Variants in CDH12 observed in about 807,000 individuals in gnomAD.
The protein encoded by CDH12 is cadherin 12.
A neutral mutation model predicts 74.1 loss-of-function variants in CDH12; 41 were observed. The ratio of observed to expected loss-of-function variants is 0.55; its 90% confidence interval spans 0.43 to 0.72. The LOEUF (loss-of-function observed/expected upper bound fraction) is 0.72. Among genes scored for constraint, CDH12 ranks in the 30% least tolerant of loss-of-function variants. The pLI, the probability that CDH12 is intolerant of heterozygous loss-of-function variation, is 0.00. For synonymous variants in CDH12, 399 were observed against 355.0 expected (o/e 1.12, Z -1.39); for missense variants, 945 against 977.2 (o/e 0.97, Z 0.44).
At chr5:22,353,555 TTTA>T (rs1017990570) in intron 3 of CDH12, among the ~76,000 whole-genome samples, 1 of 152,132 alleles carries the variant, frequency 6.6e-6, no homozygotes, top group African/African-American at 2.4e-5. Context: ...AATTAAATAG[TTTA>T]TTATTTTAAA....
At chr5:21,926,919 G>A (rs535671308) in intron 6 of CDH12, among the ~76,000 whole-genome samples, 2 of 152,222 alleles carry the variant, frequency 1.3e-5, no homozygotes, top group East Asian at 3.9e-4. Context: ...AGGAGGAGTT[G>A]GTGAAGGTTT....
chr5:22,220,301 T>C (rs1751967968), intron 3 of CDH12, among the ~76,000 whole-genome samples: 2 of 151,862 alleles, frequency 1.3e-5, no homozygotes, highest in South Asian at 4.1e-4. Context: ...ATTGCATCAT[T>C]ATTTATAATA....
At position 21,923,797 on chromosome 5, in the gene CDH12, A is replaced by G. The variant is rs115928161; in HGVS notation, c.526+51294T>C. ...AACCATTACAATGTTTTTGTTTTCT[A>G]TGAAAGCATTTCTCACAGTCTTGGG... is the stretch of plus-strand genomic sequence containing the variant. On this transcript the variant is annotated intron_variant, in intron 6 of 14. Transcript: ENST00000382254. 4.4e-3 allele frequency among the ~76,000 whole-genome samples: 676 copies of G among 152,284 alleles called. 8 individuals carry two copies. Among genetic ancestry groups the G allele is most frequent in the African/African-American group, 0.015 (626 of 41,548 alleles).
chr5:22,627,049 C>T (rs115855749), intron 1 of CDH12, among the ~76,000 whole-genome samples: 87 of 152,052 alleles, frequency 5.7e-4, no homozygotes, highest in African/African-American at 2.0e-3. Context: ...CAAACAAAAA[C>T]GAACAAGAAA....
At chr5:22,480,598 AAT>A (rs1746349272) in intron 2 of CDH12, among the ~76,000 whole-genome samples, 1 of 151,680 alleles carries the variant, frequency 6.6e-6, no homozygotes, top group South Asian at 2.1e-4. Flanking sequence ...AAAAAAAAAA[AAT>A]ACACCTTGCA....
In CDH12 at chr5:22,562,111, A is replaced by T. The variant is rs867333200; in HGVS notation, c.-522-56747T>A. Among the ~76,000 whole-genome samples the T allele has an allele frequency of 6.6e-5, 10 of 152,116 alleles. No individual in the cohort carries two copies. The South Asian group carries it at 1.9e-3, about 28-fold the overall frequency. ...GGCGGGCGGATCATGAGGTCAGGAG[A>T]TCGAGACCATCCCAGCTAAAACGGT... On this transcript the variant is annotated intron_variant, in intron 1 of 14. Transcript: ENST00000382254.
intron 1 of CDH12, among the ~76,000 whole-genome samples, chr5:22,531,403 T>A (rs1737576947): frequency 6.6e-6 from 1 of 151,992 alleles, no homozygotes; most frequent in Non-Finnish European, 1.5e-5. Flanking sequence ...GAGAAAAAAA[T>A]CAACTACACT....
intron 3 of CDH12, among the ~76,000 whole-genome samples, chr5:22,326,328 G>T (rs938916499): frequency 6.6e-6 from 1 of 151,554 alleles, no homozygotes; most frequent in Admixed American, 6.6e-5. Context: ...TCCGCCCCCC[G>T]GGGTTCACGC....
chr5:22,464,362 C>A (rs1745641009), intron 2 of CDH12, among the ~76,000 whole-genome samples: 1 of 152,148 alleles, frequency 6.6e-6, no homozygotes, highest in Non-Finnish European at 1.5e-5. Context: ...CCTGCAATAT[C>A]TTTATTGTCA....
At chr5:22,760,003 A>G (rs1746123867) in intron 1 of CDH12, among the ~76,000 whole-genome samples, 1 of 152,312 alleles carries the variant, frequency 6.6e-6, no homozygotes, top group East Asian at 1.9e-4. Flanking sequence ...AATCTGCTTC[A>G]TTCAAAGTAT....
intron 1 of CDH12, among the ~76,000 whole-genome samples, chr5:22,763,805 T>C (rs947295569): frequency 2.6e-5 from 4 of 151,980 alleles, no homozygotes; most frequent in African/African-American, 9.7e-5. Context: ...ACTGCATTTA[T>C]TCACCAAATG....
At chr5:22,574,215 G>A (rs527937204) in intron 1 of CDH12, among the ~76,000 whole-genome samples, 99 of 151,588 alleles carry the variant, frequency 6.5e-4, no homozygotes, top group Non-Finnish European at 1.1e-3. Context: ...GAGTAGCTGG[G>A]ATTACAGGTA....
intron 3 of CDH12, among the ~76,000 whole-genome samples, chr5:22,381,260 A>T (rs1741747906): frequency 6.6e-6 from 1 of 152,028 alleles, no homozygotes; most frequent in Non-Finnish European, 1.5e-5. Context: ...ACATCTCCAA[A>T]TACAAAGCTG....
At chr5:21,930,318 G>A (rs975392209) in intron 6 of CDH12, among the ~76,000 whole-genome samples, 2 of 152,184 alleles carry the variant, frequency 1.3e-5, no homozygotes, top group Non-Finnish European at 2.9e-5. Context: ...AGTCATGATT[G>A]TGGAGGAAAC....
At chr5:22,630,625 A>G (rs1307711392) in intron 1 of CDH12, among the ~76,000 whole-genome samples, 1 of 152,150 alleles carries the variant, frequency 6.6e-6, no homozygotes, top group African/African-American at 2.4e-5. Flanking sequence ...TTCTTATGCC[A>G]CATACAAAAA....
Position 22,349,163 on chromosome 5 carries a change from C to A in CDH12, c.-333+56094G>T, listed in dbSNP as rs1282680752. On this transcript the variant is annotated intron_variant, in intron 3 of 14. Coordinates refer to ENST00000382254, the MANE Select transcript of CDH12 (RefSeq NM_004061.5). Reference sequence around the variant, plus strand: ...AAATGAGGCCTCACCAGACACCAATCTACTGTTGCCTGATCTGGACTTTCA... The same window carrying A: ...AAATGAGGCCTCACCAGACACCAATATACTGTTGCCTGATCTGGACTTTCA... Among the ~76,000 whole-genome samples, 6 of 152,162 alleles carry A rather than the reference C, an allele frequency of 3.9e-5. No individual in the cohort carries two copies. In the South Asian group the frequency reaches 1.2e-3, roughly 32 times the overall value.
At chr5:22,727,482 A>G (rs1171885704) in intron 1 of CDH12, among the ~76,000 whole-genome samples, 1 of 151,680 alleles carries the variant, frequency 6.6e-6, no homozygotes, top group African/African-American at 2.4e-5. Flanking sequence ...CATACTTCAC[A>G]TACTATTTCA....
chr5:22,650,079 T>C lies in CDH12; in HGVS notation c.-522-144715A>G, dbSNP rs74939330. ...TAAAATAATACACTTAGTCTGGCTG[T>C]AATTATGTAAAGGCTAAAACCAGAA... is the stretch of plus-strand genomic sequence containing the variant. On this transcript the variant is annotated intron_variant, in intron 1 of 14. Transcript: ENST00000382254. Among the ~76,000 whole-genome samples, 1,402 of 152,178 alleles carry C rather than the reference T, an allele frequency of 9.2e-3. 21 individuals carry two copies. The highest frequency in any genetic ancestry group is 0.032 in the African/African-American group (1,338 of 41,538).
chr5:21,852,659 T>G (rs1335017455), intron 7 of CDH12, among the ~76,000 whole-genome samples: 1 of 151,534 alleles, frequency 6.6e-6, no homozygotes, highest in Non-Finnish European at 1.5e-5. Context: ...TCCTTCATTC[T>G]AAGAGAATAC....
Sources: gnomAD v4.1 joint callset for allele counts (sites outside exome capture counted in the v4.1 genomes callset) on GRCh38, gnomAD v4.1.1 for gene constraint, MANE v1.5 for transcripts, NCBI Gene and HGNC (gene_info 2026-07-23, HGNC 2026-07-21) for gene names.